MSRA: variants seen among roughly 807,000 people sequenced by gnomAD.
MSRA encodes the protein mitochondrial peptide methionine sulfoxide reductase.
A neutral mutation model predicts 31.3 loss-of-function variants in MSRA; 54 were observed. That is an observed-to-expected ratio of 1.73 (90% CI 1.39 to 2.17). MSRA has a LOEUF of 2.17. Among genes scored for constraint, MSRA ranks in the 30% most tolerant of loss-of-function variants. The pLI is 0.00. For synonymous variants in MSRA, 169 were observed against 116.5 expected (o/e 1.45, Z -2.90); for missense variants, 507 against 300.9 (o/e 1.69, Z -5.07).
chr8:10,109,637 C>T (rs1437743309), intron 1 of MSRA, among the ~76,000 whole-genome samples: 2 of 152,172 alleles, frequency 1.3e-5, no homozygotes, highest in Non-Finnish European at 2.9e-5. Context: ...CCACTGTGCC[C>T]AGTCTTTTTT....
At chr8:10,316,385 G>T (rs546998777) in intron 4 of MSRA, among the ~76,000 whole-genome samples, 2 of 152,300 alleles carry the variant, frequency 1.3e-5, no homozygotes, top group Admixed American at 1.3e-4. Context: ...GGGAGTGTCA[G>T]TTTCACCTTG....
intron 3 of MSRA, among the ~76,000 whole-genome samples, chr8:10,252,751 G>A (rs926841859): frequency 2.0e-5 from 3 of 152,140 alleles, no homozygotes; most frequent in African/African-American, 7.2e-5. Context: ...AAGCTGGTAC[G>A]CACCTGCTCC....
At chr8:10,324,732 G>C (rs923593081) in intron 5 of MSRA, among the ~76,000 whole-genome samples, 1 of 152,170 alleles carries the variant, frequency 6.6e-6, no homozygotes, top group Non-Finnish European at 1.5e-5. Context: ...CAGGGAGCAG[G>C]AATAAGGGGC....
chr8:10,342,884 G>A (rs886128913), intron 5 of MSRA, among the ~76,000 whole-genome samples: 1 of 152,174 alleles, frequency 6.6e-6, no homozygotes, highest in Non-Finnish European at 1.5e-5. Context: ...GTGACTTCGG[G>A]CAAGTGTCTT....
chr8:10,125,401 G>C (rs1188181287), intron 1 of MSRA, among the ~76,000 whole-genome samples: 2 of 152,218 alleles, frequency 1.3e-5, no homozygotes, highest in African/African-American at 4.8e-5. Context: ...GGAGGAGCAG[G>C]AGTTAGCTAT....
chr8:10,369,657 T>C (rs1056364280), intron 5 of MSRA, among the ~76,000 whole-genome samples: 4 of 152,186 alleles, frequency 2.6e-5, no homozygotes, highest in Non-Finnish European at 5.9e-5. Flanking sequence ...AACTTAAAAA[T>C]GAGGCATAGG....
chr8:10,227,575 C>T (rs941755180), intron 2 of MSRA, among the ~76,000 whole-genome samples: 17 of 152,180 alleles, frequency 1.1e-4, no homozygotes, highest in East Asian at 1.9e-4. Flanking sequence ...AGAATATTCC[C>T]GGGGTTAAGG....
At chr8:10,370,275 T>G (rs1299593934) in intron 5 of MSRA, among the ~76,000 whole-genome samples, 1 of 152,220 alleles carries the variant, frequency 6.6e-6, no homozygotes, top group African/African-American at 2.4e-5. Context: ...GATGTGAACT[T>G]AGATTCCTTC....
chr8:10,225,137 A>C (rs377232568), intron 2 of MSRA, among the ~76,000 whole-genome samples: 1 of 152,196 alleles, frequency 6.6e-6, no homozygotes, highest in African/African-American at 2.4e-5. Flanking sequence ...ACTCCATCTC[A>C]AGAATAAATA....
At chr8:10,392,086 T>A (rs375897395) in intron 5 of MSRA, among the ~76,000 whole-genome samples, 10 of 152,232 alleles carry the variant, frequency 6.6e-5, no homozygotes, top group African/African-American at 1.4e-4. Context: ...CCCACTGGCT[T>A]CTTAGTGGAA....
intron 5 of MSRA, among the ~76,000 whole-genome samples, chr8:10,410,262 C>T (rs1368004946): frequency 2.0e-5 from 3 of 152,140 alleles, no homozygotes; most frequent in Admixed American, 6.5e-5. Flanking sequence ...AGTCTGCCAA[C>T]AGGCTAGGTC....
chr8:10,277,998 C>G (rs1282713306), intron 3 of MSRA, among the ~76,000 whole-genome samples: 1 of 152,034 alleles, frequency 6.6e-6, no homozygotes. Flanking sequence ...AGTTGTAAAC[C>G]TCTTTCCATT....
chr8:10,079,816 C>G (rs1042301967), intron 1 of MSRA, among the ~76,000 whole-genome samples: 6 of 152,166 alleles, frequency 3.9e-5, no homozygotes, highest in Non-Finnish European at 7.3e-5. Flanking sequence ...AGAGTGGGCT[C>G]AGGAATTCTC....
intron 1 of MSRA, among the ~76,000 whole-genome samples, chr8:10,196,190 C>T (rs552175882): frequency 2.6e-4 from 40 of 152,218 alleles, no homozygotes; most frequent in Non-Finnish European, 5.3e-4. Flanking sequence ...CTGACATGTT[C>T]ACAAGGAAGA....
chr8:10,336,801 T>C (rs943239583), intron 5 of MSRA: 1 of 152,236 alleles, frequency 6.6e-6, no homozygotes, highest in Non-Finnish European at 1.5e-5. Context: ...CTAGGCCACA[T>C]TGAGGCAATT....
chr8:10,116,669 T>A (rs1175963777), intron 1 of MSRA, among the ~76,000 whole-genome samples: 1 of 152,024 alleles, frequency 6.6e-6, no homozygotes, highest in Non-Finnish European at 1.5e-5. Context: ...TCATTGTAGA[T>A]TTTACATATG....
At position 10,103,920 on chromosome 8, in the gene MSRA, T is replaced by C. The variant is rs80235596; in HGVS notation, c.142+49262T>C. The stretch of plus-strand genomic sequence containing the variant: ...CTGAAATTGGTGTAGAACACTTTCA[T>C]GCACATTTTTCTGGAATTACAGCGT... On this transcript the variant is annotated intron_variant, in intron 1 of 5. Transcript: ENST00000317173. Among the ~76,000 whole-genome samples the C allele has an allele frequency of 7.4e-3, 1,127 of 152,298 alleles. 17 individuals are homozygous for C. The highest frequency in any genetic ancestry group is 0.024 in the African/African-American group (1,000 of 41,560).
At chr8:10,369,201 A>G (rs886813255) in intron 5 of MSRA, among the ~76,000 whole-genome samples, 1 of 152,158 alleles carries the variant, frequency 6.6e-6, no homozygotes, top group African/African-American at 2.4e-5. Context: ...TAAAAACTAA[A>G]GTGACCTTTT....
intron 5 of MSRA, among the ~76,000 whole-genome samples, chr8:10,351,498 C>G (rs538404658): frequency 2.0e-5 from 3 of 152,254 alleles, no homozygotes; most frequent in African/African-American, 4.8e-5. Flanking sequence ...ATGATCCACC[C>G]GCTTCAGCCT....
Sources: allele counts gnomAD v4.1 joint callset (sites outside exome capture counted in the v4.1 genomes callset), GRCh38; gene constraint gnomAD v4.1.1; transcripts MANE v1.5; gene names NCBI Gene and HGNC (gene_info 2026-07-23, HGNC 2026-07-21).